CA3: variants seen among roughly 807,000 people sequenced by gnomAD.
CA3 encodes CA-III.
In CA3, 30 loss-of-function variants were observed where a neutral mutation model predicts 35.7. The ratio of observed to expected loss-of-function variants is 0.84; its 90% CI spans 0.63 to 1.14. CA3 has a LOEUF of 1.14. Ranked by LOEUF, CA3 falls within the 50% of genes most tolerant of loss-of-function variation. The probability of loss-of-function intolerance (pLI) is 0.00; values close to 1 mark genes in which losing one functional copy is unlikely to be tolerated. For synonymous variants in CA3, 131 were observed against 130.8 expected (o/e 1.00, Z -0.01); for missense variants, 295 against 328.5 (o/e 0.90, Z 0.79).
In CA3 at chr8:85,445,203, C is replaced by A. The variant is rs746460613; in HGVS notation, c.492C>A (p.Asp164Glu). 1 of 1,603,204 alleles carries A rather than the reference C, an allele frequency of 6.2e-7. No homozygotes were observed. Among genetic ancestry groups the A allele is most frequent in the Non-Finnish European group, 8.5e-7 (1 of 1,172,184 alleles). The stretch of plus-strand genomic sequence containing the variant: ...TCCAGATTTTCCTTGATGCATTGGA[C>A]AAGATTAAGACAAAGGTAAACAAAA... ...GEFQIFLDAL[D>E]KIKTKGKEAP... is the part of the protein sequence containing the mutation. Residue 164 changes from aspartate to glutamate, a missense_variant, in exon 5 of 7, where the codon GAC (aspartate) becomes GAA (glutamate). Transcript: ENST00000285381.
chr8:85,445,345 T>C, intron 5 of CA3, 127 bp downstream of exon 5: 1 of 580,098 alleles, frequency 1.7e-6, no homozygotes, highest in Non-Finnish European at 3.0e-6. Flanking sequence ...AGCATACATA[T>C]AAAAATAAAT....
chr8:85,443,301 A>T (rs796336968), intron 3 of CA3, among the ~76,000 whole-genome samples: 1 of 152,332 alleles, frequency 6.6e-6, no homozygotes, highest in African/African-American at 2.4e-5. Flanking sequence ...CAAACCAATA[A>T]GTGGTGGCAA....
chr8:85,442,715 A>G (rs961474489), intron 3 of CA3, among the ~76,000 whole-genome samples: 6 of 152,216 alleles, frequency 3.9e-5, no homozygotes, highest in Non-Finnish European at 8.8e-5. Context: ...CCTGTCTCGA[A>G]AAAAGAAAAA....
chr8:85,445,139 T>C lies in CA3; in HGVS notation c.445-17T>C. ...GAGAAGTAAAAGAACTATACTTGGA[T>C]TTCTGTTTTCTTACAGATAGGACAT... is the stretch of plus-strand genomic sequence containing the variant. On this transcript the variant is annotated splice_polypyrimidine_tract_variant and intron_variant, in intron 4 of 6. Coordinates refer to ENST00000285381, the MANE Select transcript of CA3 (RefSeq NM_005181.4). 1 of 1,569,522 alleles carries C rather than the reference T, an allele frequency of 6.4e-7. No individual in the cohort carries two copies. Among genetic ancestry groups the C allele is most frequent in the Non-Finnish European group, 8.7e-7 (1 of 1,146,928 alleles).
At chr8:85,447,531 C>G (rs1316018475) in intron 6 of CA3, among the ~76,000 whole-genome samples, 1 of 152,206 alleles carries the variant, frequency 6.6e-6, no homozygotes, top group Non-Finnish European at 1.5e-5. Context: ...GTGTGTCACT[C>G]TAGAGCTGCT....
At chr8:85,440,550 A>G (rs924660847) in intron 2 of CA3, among the ~76,000 whole-genome samples, 2 of 152,234 alleles carry the variant, frequency 1.3e-5, no homozygotes, top group African/African-American at 4.8e-5. Flanking sequence ...AGAAAAAACA[A>G]ATCTCTTTAT....
chr8:85,439,948 C>A, intron 2 of CA3, 39 bp downstream of exon 2: 1 of 1,502,956 alleles, frequency 6.7e-7, no homozygotes, highest in Non-Finnish European at 9.2e-7. Context: ...TGGATGTTTT[C>A]AAGGTCCATA....
chr8:85,444,108 G>A lies in CA3; in HGVS notation c.426G>A (p.Val142=). 6.2e-7 allele frequency: 1 copy of A among 1,611,998 alleles called. No homozygotes were observed. The highest frequency in any genetic ancestry group is 8.5e-7 in the Non-Finnish European group (1 of 1,178,080). The change falls in exon 4 of 7, where the codon GTG becomes GTA. Residue 142 remains valine, a synonymous_variant. Coordinates refer to ENST00000285381, the MANE Select transcript of CA3 (RefSeq NM_005181.4). ...EALKQRDGIA[V]IGIFLKIGHE... ...TGAAGCAGCGCGATGGGATCGCTGT[G>A]ATTGGCATTTTTCTGAAGGTAAAGT...
chr8:85,447,156 T>G (rs750942488), intron 6 of CA3, among the ~76,000 whole-genome samples: 1 of 152,024 alleles, frequency 6.6e-6, no homozygotes, highest in Non-Finnish European at 1.5e-5. Flanking sequence ...TTTGAAAGAA[T>G]GAAATTTTTT....
chr8:85,446,314 A>T lies in CA3; in HGVS notation c.663+17A>T. ...TCTGACCAGGTGAGCAGCCTTGTGA[A>T]CACGTGGGCTTATGTTGCTGTCTGC... On this transcript the variant is annotated intron_variant, in intron 6 of 6. Coordinates refer to ENST00000285381, the MANE Select transcript of CA3 (RefSeq NM_005181.4). 1 of 1,604,950 alleles carries T rather than the reference A, an allele frequency of 6.2e-7. No individual in the cohort carries two copies. The highest frequency in any genetic ancestry group is 8.5e-7 in the Non-Finnish European group (1 of 1,173,180).
rs557757657 is a variant in CA3, at chr8:85,439,813, C to T, written c.136C>T (p.Pro46Ser). Residue 46 changes from proline to serine, a missense_variant, in exon 2 of 7, where the codon CCA becomes TCA. Pro to Ser is a moderately conservative substitution (Grantham distance 74, BLOSUM62 -1). Coordinates refer to ENST00000285381, the MANE Select transcript of CA3 (RefSeq NM_005181.4). ...CATCAGGCATGACCCTTCTCTGCAGCCATGGTCTGTGTCTTATGATGGTGG... is the reference window on the plus strand; with the variant it reads ...CATCAGGCATGACCCTTCTCTGCAGTCATGGTCTGTGTCTTATGATGGTGG... ...KDIRHDPSLQ[P>S]WSVSYDGGSA... 5.5e-5 allele frequency: 88 copies of T among 1,613,778 alleles called. No homozygotes were observed. The highest frequency in any genetic ancestry group is 7.4e-5 in the Non-Finnish European group (87 of 1,179,836).
chr8:85,447,882 G>C, intron 6 of CA3, 152 bp from the exon 7 acceptor site: 1 of 670,282 alleles, frequency 1.5e-6, no homozygotes, highest in South Asian at 2.4e-5. Flanking sequence ...CCTGGCTACA[G>C]AGCGAGACTC....
intron 2 of CA3, among the ~76,000 whole-genome samples, chr8:85,441,101 C>G (rs151199453): frequency 1.3e-5 from 2 of 152,304 alleles, no homozygotes; most frequent in African/African-American, 4.8e-5. Context: ...TGAACAAACT[C>G]ATATAGGCCT....
At chr8:85,445,533 C>CACATACACAT (rs112446854) in intron 5 of CA3, among the ~76,000 whole-genome samples, 1 of 141,356 alleles carries the variant, frequency 7.1e-6, no homozygotes, top group Non-Finnish European at 1.5e-5. Context: ...CACACACACA[C>CACATACACAT]ACACACACAC....
intron 4 of CA3, among the ~76,000 whole-genome samples, chr8:85,444,448 A>G (rs1345133474): frequency 6.6e-6 from 1 of 152,114 alleles, no homozygotes; most frequent in African/African-American, 2.4e-5. Flanking sequence ...AAGGTGGCAT[A>G]TATTTATTTT....
chr8:85,448,170 C>A lies in CA3; in HGVS notation c.*17C>A. 1 of 1,606,346 alleles carries A rather than the reference C, an allele frequency of 6.2e-7. No individual in the cohort carries two copies. Among genetic ancestry groups the A allele is most frequent in the Non-Finnish European group, 8.5e-7 (1 of 1,176,350 alleles). ...TTCAAATGAGGCTGCTGGATCTTGC[C>A]CTCTTCAGGAAAGGAAACCTACCAT... On this transcript the variant is annotated 3_prime_UTR_variant, in exon 7 of 7. Coordinates refer to ENST00000285381, the MANE Select transcript of CA3 (RefSeq NM_005181.4).
intron 5 of CA3, among the ~76,000 whole-genome samples, 194 bp from the exon 6 acceptor site, chr8:85,445,948 C>T (rs1462553061): frequency 6.6e-6 from 1 of 152,192 alleles, no homozygotes; most frequent in African/African-American, 2.4e-5. Flanking sequence ...GTGATTGTGT[C>T]AGATCAAGTA....
Position 85,439,857 on chromosome 8 carries a change from G to C in CA3, c.180G>C (p.Leu60=), listed in dbSNP as rs1811185015. 6.2e-7 allele frequency: 1 copy of C among 1,613,914 alleles called. No homozygotes were observed. Among genetic ancestry groups the C allele is most frequent in the Non-Finnish European group, 8.5e-7 (1 of 1,180,010 alleles). ...SYDGGSAKTI[L]NNGKTCRVVF... ...ATGGTGGCTCTGCCAAGACCATCCT[G>C]AATAATGGGAAGACCTGCCGAGTTG... The change falls in exon 2 of 7, where the codon CTG becomes CTC. Residue 60 remains leucine, a synonymous_variant. Transcript: ENST00000285381.
In CA3 at chr8:85,446,306, C is replaced by G. The variant is rs769929306; in HGVS notation, c.663+9C>G. 23 of 1,607,688 alleles carry G rather than the reference C, an allele frequency of 1.4e-5. No homozygotes were observed. Among genetic ancestry groups the G allele is most frequent in the Non-Finnish European group, 1.9e-5 (22 of 1,175,398 alleles). ...CCGTGAGCTCTGACCAGGTGAGCAG[C>G]CTTGTGAACACGTGGGCTTATGTTG... is the stretch of plus-strand genomic sequence containing the variant. On this transcript the variant is annotated intron_variant, in intron 6 of 6. Transcript: ENST00000285381.
Sources: gnomAD v4.1 joint callset for allele counts (sites outside exome capture counted in the v4.1 genomes callset) on GRCh38, gnomAD v4.1.1 for gene constraint, MANE v1.5 for transcripts, NCBI Gene and HGNC (gene_info 2026-07-23, HGNC 2026-07-21) for gene names.